TENM1: variants seen among roughly 807,000 people sequenced by gnomAD.
The protein encoded by TENM1 is teneurin transmembrane protein 1.
TENM1 carries 35 observed loss-of-function variants against 174.8 expected under a neutral mutation model. The observed-to-expected ratio is 0.20, with a 90% confidence interval of 0.15 to 0.27. The LOEUF is 0.27. Ranked by LOEUF, TENM1 falls within the 10% of genes least tolerant of loss-of-function variation. The probability of loss-of-function intolerance (pLI) is 1.00; values close to 1 mark genes in which losing one functional copy is unlikely to be tolerated. For missense variants in TENM1, 1,633 were observed against 2,130.1 expected, an observed-to-expected ratio of 0.77 and a Z score of 4.59; for synonymous variants, 781 against 798.7, an observed-to-expected ratio of 0.98 and a Z score of 0.37.
chrX:124,999,030 G>A, the TENM1 span, among the ~76,000 whole-genome samples: 21 of 110,821 alleles, frequency 1.9e-4, no homozygotes, highest in African/African-American at 3.9e-4. Flanking sequence ...ATATCAATCC[G>A]GATAAATTCA....
chrX:124,584,203 C>A (rs769147525), intron 11 of TENM1, among the ~76,000 whole-genome samples: 3,548 of 108,806 alleles, frequency 0.033, 59 homozygotes, highest in African/African-American at 0.058. Context: ...AGATACTCCT[C>A]GAGAAGAGCA....
chrX:125,127,256 T>C, the TENM1 span, among the ~76,000 whole-genome samples: 3 of 111,862 alleles, frequency 2.7e-5, no homozygotes, highest in East Asian at 5.6e-4. Flanking sequence ...CCCACTCTAC[T>C]ACTTTTTTCA....
chrX:124,699,204 G>A (rs754800563), intron 5 of TENM1, among the ~76,000 whole-genome samples: 7 of 111,169 alleles, frequency 6.3e-5, no homozygotes, highest in African/African-American at 1.6e-4. Flanking sequence ...TATTTACTGT[G>A]AAGTCATAGA....
the TENM1 span, among the ~76,000 whole-genome samples, chrX:125,118,788 C>T: frequency 0.037 from 4,141 of 111,468 alleles, 174 homozygotes; most frequent in African/African-American, 0.12. Flanking sequence ...GAAACAAAAC[C>T]AAAACAAACC....
chrX:124,657,170 G>C (rs1051546546), intron 6 of TENM1, among the ~76,000 whole-genome samples: 2 of 111,429 alleles, frequency 1.8e-5, no homozygotes, highest in African/African-American at 6.5e-5. Context: ...GGAAAACCTA[G>C]GAAGACCATA....
At chrX:124,472,197 A>C (rs1032944334) in intron 22 of TENM1, among the ~76,000 whole-genome samples, 2 of 107,773 alleles carry the variant, frequency 1.9e-5, no homozygotes, top group African/African-American at 3.4e-5. Context: ...AGATAGACTG[A>C]GGGCTGCCGC....
the TENM1 span, among the ~76,000 whole-genome samples, chrX:125,184,771 T>C: frequency 9.0e-6 from 1 of 111,557 alleles, no homozygotes; most frequent in African/African-American, 3.3e-5. Flanking sequence ...ATTTGAGTAA[T>C]GATGCATAGC....
chrX:125,084,254 T>C, the TENM1 span, among the ~76,000 whole-genome samples: 1 of 110,350 alleles, frequency 9.1e-6, no homozygotes, highest in African/African-American at 3.3e-5. Context: ...CATCCATCCA[T>C]CCATTCAAAA....
chrX:124,473,264 A>T (rs1375292706), intron 22 of TENM1, among the ~76,000 whole-genome samples: 1 of 111,667 alleles, frequency 9.0e-6, no homozygotes, highest in Non-Finnish European at 1.9e-5. Flanking sequence ...AGAAACTACT[A>T]AAGCAATTTT....
At chrX:125,164,577 T>G in the TENM1 span, among the ~76,000 whole-genome samples, 1 of 112,035 alleles carries the variant, frequency 8.9e-6, no homozygotes. Context: ...AATGTCAAAA[T>G]TATTGCTTTG....
intron 22 of TENM1, among the ~76,000 whole-genome samples, chrX:124,477,494 G>A (rs1347875430): frequency 1.8e-5 from 2 of 111,944 alleles, no homozygotes; most frequent in South Asian, 3.8e-4. Flanking sequence ...GGCAGACAGT[G>A]TGGTATGGTG....
At chrX:125,071,388 C>T in the TENM1 span, among the ~76,000 whole-genome samples, 50 of 111,633 alleles carry the variant, frequency 4.5e-4, no homozygotes, top group African/African-American at 1.5e-3. Context: ...AGATTCATCC[C>T]AATCTCCTAC....
intron 3 of TENM1, among the ~76,000 whole-genome samples, chrX:124,746,472 C>T (rs2148568863): frequency 9.0e-6 from 1 of 111,729 alleles, no homozygotes; most frequent in Admixed American, 9.5e-5. Context: ...ATCTTATAAA[C>T]TTTGCTTATG....
At chrX:125,172,425 C>CA in the TENM1 span, among the ~76,000 whole-genome samples, 1 of 111,262 alleles carries the variant, frequency 9.0e-6, no homozygotes, top group Non-Finnish European at 1.9e-5. Context: ...CCTATCACCT[C>CA]AAGTTGTCTC....
At chrX:124,708,001 A>T (rs994757437) in intron 4 of TENM1, among the ~76,000 whole-genome samples, 7 of 112,301 alleles carry the variant, frequency 6.2e-5, no homozygotes, top group Admixed American at 5.7e-4. Flanking sequence ...AGATCAGGAT[A>T]ATTAGCATAT....
At chrX:124,471,569 CATAATAT>C (rs1453431986) in intron 22 of TENM1, among the ~76,000 whole-genome samples, 18 of 65,242 alleles carry the variant, frequency 2.8e-4, no homozygotes, top group African/African-American at 9.5e-4. Context: ...TATAATACAT[CATAATAT>C]ATAATATATA....
chrX:125,171,155 A>G, the TENM1 span, among the ~76,000 whole-genome samples: 1 of 110,291 alleles, frequency 9.1e-6, no homozygotes, highest in Admixed American at 9.7e-5. Context: ...ATCAATCTTT[A>G]CACACACCAC....
the TENM1 span, among the ~76,000 whole-genome samples, chrX:125,034,619 T>G: frequency 8.9e-6 from 1 of 111,962 alleles, no homozygotes; most frequent in East Asian, 2.8e-4. Context: ...AAGATTAAAT[T>G]TTCACTCACA....
chrX:124,665,564 G>C (rs1051225255), intron 6 of TENM1, among the ~76,000 whole-genome samples: 2 of 112,433 alleles, frequency 1.8e-5, no homozygotes, highest in African/African-American at 6.5e-5. Flanking sequence ...AAACTTTATA[G>C]ATATACATTT....
Sources: gnomAD v4.1 joint callset for allele counts (sites outside exome capture counted in the v4.1 genomes callset) on GRCh38, gnomAD v4.1.1 for gene constraint, MANE v1.5 for transcripts, NCBI Gene and HGNC (gene_info 2026-07-23, HGNC 2026-07-21) for gene names.